The following XPNPEP1 variants were observed in gnomAD, a reference collection of about 807,000 sequenced individuals.
XPNPEP1 encodes the protein xaa-Pro aminopeptidase 1.
Under a neutral mutation model 92.4 loss-of-function variants are expected in XPNPEP1, and 39 were observed. The ratio of observed to expected loss-of-function variants is 0.42; its 90% confidence interval spans 0.33 to 0.55. The LOEUF is 0.55. Ranked by LOEUF, XPNPEP1 falls within the 20% of genes least tolerant of loss-of-function variation. XPNPEP1 has a pLI of 0.08. For synonymous variants in XPNPEP1, 307 were observed against 299.4 expected (o/e 1.03, Z -0.26); for missense variants, 654 against 856.1 (o/e 0.76, Z 2.95).
At chr10:109,881,873 A>T (rs1247579208) in intron 10 of XPNPEP1, among the ~76,000 whole-genome samples, 1 of 146,948 alleles carries the variant, frequency 6.8e-6, no homozygotes, top group Non-Finnish European at 1.5e-5. Flanking sequence ...TATCACTTGA[A>T]TTTGACAAAT....
At chr10:109,922,969 A>G (rs1490011323) in intron 1 of XPNPEP1, among the ~76,000 whole-genome samples, 1 of 152,180 alleles carries the variant, frequency 6.6e-6, no homozygotes, top group Non-Finnish European at 1.5e-5. Flanking sequence ...TGCAGGAGTC[A>G]GTATTGTCGA....
Position 109,880,171 on chromosome 10 carries a change from A to G in XPNPEP1, c.1182+17T>C. On this transcript the variant is annotated intron_variant, in intron 12 of 20. Transcript: ENST00000502935. ...AATAATGTATATCCACATATTAAACAAAGACTAAGAACCAACCTCTTTCTC... is the reference window on the plus strand; with the variant it reads ...AATAATGTATATCCACATATTAAACGAAGACTAAGAACCAACCTCTTTCTC... 6.2e-7 allele frequency: 1 copy of G among 1,613,690 alleles called. No individual in the cohort carries two copies.
rs1262358861 is a variant in XPNPEP1 at position 109,907,812 on chromosome 10, C to A, written c.125G>T (p.Gly42Val). The A allele has an allele frequency of 6.2e-7, 1 of 1,614,012 alleles. No individual in the cohort carries two copies. Among genetic ancestry groups the A allele is most frequent in the South Asian group, 1.1e-5 (1 of 91,078 alleles). ...TGAAGTCACCTTTGGAGGCATTCTG[C>A]CGTCTGCAACAACAGGAGAGCAAAT... ...HSGDTGVETD[G>V]RMPPKVTSEL... is the part of the protein sequence containing the mutation. Residue 42 changes from glycine to valine, a missense_variant, in exon 3 of 21, where the codon GGC (glycine) becomes GTC (valine). Transcript: ENST00000502935.
At chr10:109,871,982 AG>A in intron 16 of XPNPEP1, 121 bp from the exon 17 acceptor site, 1 of 982,476 alleles carries the variant, frequency 1.0e-6, no homozygotes, top group Non-Finnish European at 1.5e-6. Flanking sequence ...AGAAAATGTA[AG>A]TAAAAAGAAA....
chr10:109,911,230 A>T (rs564933778), intron 2 of XPNPEP1, among the ~76,000 whole-genome samples: 1 of 152,368 alleles, frequency 6.6e-6, no homozygotes, highest in East Asian at 1.9e-4. Context: ...TAACTCAAGC[A>T]TATCCATGTT....
In XPNPEP1 at chr10:109,882,440, T is replaced by C; in HGVS notation, c.1033A>G (p.Ile345Val). 1.9e-6 allele frequency: 3 copies of C among 1,610,700 alleles called. No homozygotes were observed. Among genetic ancestry groups the C allele is most frequent in the Non-Finnish European group, 2.5e-6 (3 of 1,177,234 alleles). Residue 345 changes from isoleucine (I) to valine (V), a missense_variant, in exon 10 of 21, where the codon ATC becomes GTC. Coordinates refer to ENST00000502935, the MANE Select transcript of XPNPEP1 (RefSeq NM_020383.4). ...AAAGTGGGGTCACCAACCTTGGGGA[T>C]GGTCTCGCTCACAGCATAGCTGGCC... Reference protein sequence around the residue: ...DKASYAVSETIPKDHRCCMPY... With the variant: ...DKASYAVSETVPKDHRCCMPY...
At chr10:109,877,337 A>G (rs896000055) in intron 14 of XPNPEP1, 1 of 157,018 alleles carries the variant, frequency 6.4e-6, no homozygotes, top group African/African-American at 2.4e-5. Flanking sequence ...GTGGTAGCAC[A>G]TGCCTATAGT....
At chr10:109,870,089 G>GT in intron 18 of XPNPEP1, 60 bp from the exon 19 acceptor site, 1 of 1,575,398 alleles carries the variant, frequency 6.3e-7, no homozygotes, top group Non-Finnish European at 8.7e-7. Flanking sequence ...TCTACAGAGA[G>GT]AAACTTTCAC....
chr10:109,888,372 C>T, intron 6 of XPNPEP1, 131 bp downstream of exon 6: 4 of 1,228,806 alleles, frequency 3.3e-6, no homozygotes, highest in South Asian at 3.1e-5. Flanking sequence ...TTCTCTTCAC[C>T]CTGACCTCTA....
chr10:109,880,165 T>G lies in XPNPEP1; in HGVS notation c.1182+23A>C, dbSNP rs75515504. ...GGTCTGAATAATGTATATCCACATATTAAACAAAGACTAAGAACCAACCTC... is the reference window on the plus strand; with the variant it reads ...GGTCTGAATAATGTATATCCACATAGTAAACAAAGACTAAGAACCAACCTC... On this transcript the variant is annotated intron_variant, in intron 12 of 20. Coordinates refer to ENST00000502935, the MANE Select transcript of XPNPEP1 (RefSeq NM_020383.4). The G allele has an allele frequency of 1.6e-5, 25 of 1,612,350 alleles. No individual in the cohort carries two copies. The South Asian group carries it at 2.1e-4, about 13-fold the overall frequency.
intron 20 of XPNPEP1, 77 bp downstream of exon 20, chr10:109,868,537 G>C (rs1847269245): frequency 8.2e-7 from 1 of 1,224,368 alleles, no homozygotes; most frequent in Non-Finnish European, 1.2e-6. Flanking sequence ...TTAGGATTTA[G>C]AGGATGGATT....
chr10:109,875,671 A>G, intron 14 of XPNPEP1, 72 bp from the exon 15 acceptor site: 1 of 1,364,162 alleles, frequency 7.3e-7, no homozygotes, highest in Non-Finnish European at 1.0e-6. Context: ...GAGGACACAC[A>G]AGAGCTCTTT....
chr10:109,880,360 C>T, intron 11 of XPNPEP1, 122 bp from the exon 12 acceptor site: 1 of 970,156 alleles, frequency 1.0e-6, no homozygotes, highest in Non-Finnish European at 1.6e-6. Flanking sequence ...CATCAGCAAC[C>T]AGAGCTTTAC....
At chr10:109,923,243 G>A (rs577314864) in intron 1 of XPNPEP1, 159 bp downstream of exon 1, 1 of 985,194 alleles carries the variant, frequency 1.0e-6, no homozygotes, top group Admixed American at 6.1e-5. Context: ...CCCTTCCCCC[G>A]GCTCCTGTTC....
At chr10:109,870,628 GT>G (rs1412534364) in intron 18 of XPNPEP1, 102 bp downstream of exon 18, 2 of 1,433,298 alleles carry the variant, frequency 1.4e-6, no homozygotes, top group Non-Finnish European at 1.9e-6. Context: ...GAAGGGAAAA[GT>G]ATTGCCAATT....
At chr10:109,872,005 GA>G (rs1438354186) in intron 16 of XPNPEP1, 144 bp from the exon 17 acceptor site, 22 of 784,562 alleles carry the variant, frequency 2.8e-5, no homozygotes, top group Admixed American at 6.7e-5. Flanking sequence ...AAATCTGGTG[GA>G]AAAAAAGCCT....
At chr10:109,919,849 T>C (rs905698086) in intron 1 of XPNPEP1, among the ~76,000 whole-genome samples, 2 of 152,092 alleles carry the variant, frequency 1.3e-5, no homozygotes, top group Admixed American at 1.3e-4. Context: ...CTGGCCAACA[T>C]GGTGAAACCC....
rs148447123 is a variant in XPNPEP1, at chr10:109,923,353, C to T, written c.32+49G>A. The stretch of plus-strand genomic sequence containing the variant: ...AGGTGCAACACGCGCGGCCGCGCAG[C>T]GAGGGCTGCACGCTGCCCGGACGCC... On this transcript the variant is annotated intron_variant, in intron 1 of 20. Transcript: ENST00000502935. 31 of 1,404,362 alleles carry T rather than the reference C, an allele frequency of 2.2e-5. No homozygotes were observed. The African/African-American group carries it at 4.7e-4, about 21-fold the overall frequency. 87.0% of individuals were successfully genotyped at this position (1,404,362 alleles called of 1,614,324 possible).
At chr10:109,921,304 G>A (rs897616543) in intron 1 of XPNPEP1, among the ~76,000 whole-genome samples, 2 of 152,194 alleles carry the variant, frequency 1.3e-5, no homozygotes, top group African/African-American at 4.8e-5. Context: ...CAGCGTTCCA[G>A]CCTCCCAACA....
Sources: gnomAD v4.1 joint callset for allele counts (sites outside exome capture counted in the v4.1 genomes callset) on GRCh38, gnomAD v4.1.1 for gene constraint, MANE v1.5 for transcripts, NCBI Gene and HGNC (gene_info 2026-07-23, HGNC 2026-07-21) for gene names.